RGS6: variants seen among roughly 807,000 people sequenced by gnomAD.
RGS6 encodes regulator of G-protein signaling 6.
RGS6 carries 30 observed loss-of-function variants against 78.5 expected under a neutral mutation model. The observed-to-expected ratio is 0.38, with a 90% confidence interval of 0.29 to 0.52. The LOEUF is 0.52. RGS6 is among the 20% of genes least tolerant of loss of function. The pLI is 0.85. For missense variants in RGS6, 495 were observed against 609.7 expected, an observed-to-expected ratio of 0.81 and a Z score of 1.98; for synonymous variants, 206 against 206.0, an observed-to-expected ratio of 1.00 and a Z score of 0.00.
At chr14:72,580,420 C>T in the RGS6 span, among the ~76,000 whole-genome samples, 1 of 152,028 alleles carries the variant, frequency 6.6e-6, no homozygotes, top group Admixed American at 6.5e-5. Context: ...ACCTGTAGCC[C>T]TGAGTGGGAA....
chr14:72,237,499 A>G (rs1420704160), intron 2 of RGS6, among the ~76,000 whole-genome samples: 2 of 152,182 alleles, frequency 1.3e-5, no homozygotes, highest in East Asian at 3.9e-4. Context: ...ATCTGTTCTC[A>G]GATGAGCTTC....
chr14:72,402,705 A>G (rs2092549669), intron 3 of RGS6, among the ~76,000 whole-genome samples: 1 of 152,150 alleles, frequency 6.6e-6, no homozygotes, highest in Non-Finnish European at 1.5e-5. Flanking sequence ...GTTCCTCCAA[A>G]AAACTAAAAT....
intron 2 of RGS6, among the ~76,000 whole-genome samples, chr14:72,318,173 C>T (rs2152497677): frequency 6.6e-6 from 1 of 152,232 alleles, no homozygotes; most frequent in South Asian, 2.1e-4. Flanking sequence ...GGGAAAGATC[C>T]CACCTCAGCC....
chr14:72,536,302 C>T (rs2097250654), intron 16 of RGS6, 27 bp downstream of exon 16: 1 of 1,554,666 alleles, frequency 6.4e-7, no homozygotes, highest in Non-Finnish European at 8.9e-7. Context: ...CAGGCTTGCT[C>T]TTAGCACTGT....
chr14:72,524,679 A>C (rs1025389113), intron 15 of RGS6, among the ~76,000 whole-genome samples: 4 of 152,244 alleles, frequency 2.6e-5, no homozygotes, highest in African/African-American at 9.6e-5. Flanking sequence ...CCCGTGCGGC[A>C]TAATATTCTG....
intron 2 of RGS6, among the ~76,000 whole-genome samples, chr14:72,262,007 A>C (rs1223997622): frequency 6.6e-6 from 1 of 152,170 alleles, no homozygotes; most frequent in Non-Finnish European, 1.5e-5. Context: ...TTTATATAAA[A>C]TATGAAGACA....
chr14:72,458,093 A>G (rs961136531), intron 4 of RGS6, among the ~76,000 whole-genome samples, 178 bp from the exon 5 acceptor site: 3 of 152,138 alleles, frequency 2.0e-5, no homozygotes, highest in African/African-American at 7.2e-5. Context: ...CCAGACACAT[A>G]GTTGCCCTTT....
At chr14:72,407,677 C>T (rs963850136) in intron 3 of RGS6, among the ~76,000 whole-genome samples, 3 of 152,212 alleles carry the variant, frequency 2.0e-5, no homozygotes, top group Non-Finnish European at 4.4e-5. Flanking sequence ...AGAATCTGAC[C>T]TTGTGTGAAA....
the RGS6 span, among the ~76,000 whole-genome samples, chr14:71,911,983 A>G: frequency 6.6e-6 from 1 of 152,212 alleles, no homozygotes; most frequent in African/African-American, 2.4e-5. Context: ...TGGGGTGGAG[A>G]CTTAACATCT....
At chr14:71,983,481 CAGG>C (rs1048288051) in intron 2 of RGS6, among the ~76,000 whole-genome samples, 20 of 152,170 alleles carry the variant, frequency 1.3e-4, no homozygotes, top group Non-Finnish European at 2.4e-4. Flanking sequence ...TGTCACAGTT[CAGG>C]AGGATAGAAA....
At chr14:72,208,094 C>G (rs760033524) in intron 2 of RGS6, among the ~76,000 whole-genome samples, 4 of 152,334 alleles carry the variant, frequency 2.6e-5, no homozygotes, top group African/African-American at 4.8e-5. Context: ...ATCAGTAAAT[C>G]TCATCCTTCT....
intron 1 of RGS6, among the ~76,000 whole-genome samples, chr14:71,946,801 C>G (rs980079743): frequency 2.0e-5 from 3 of 152,128 alleles, no homozygotes; most frequent in African/African-American, 7.2e-5. Context: ...TTTAATACCC[C>G]CCATACAGAG....
chr14:71,893,581 T>A, the RGS6 span, among the ~76,000 whole-genome samples: 1 of 152,202 alleles, frequency 6.6e-6, no homozygotes, highest in Non-Finnish European at 1.5e-5. Flanking sequence ...TGGCATGGGC[T>A]GAAGGTACCC....
At chr14:71,887,685 C>T in the RGS6 span, among the ~76,000 whole-genome samples, 1 of 152,186 alleles carries the variant, frequency 6.6e-6, no homozygotes, top group African/African-American at 2.4e-5. Context: ...TCTCTGCTCT[C>T]AAACCCTGTT....
the RGS6 span, among the ~76,000 whole-genome samples, chr14:72,607,383 A>G: frequency 3.9e-5 from 6 of 152,072 alleles, no homozygotes; most frequent in East Asian, 1.9e-4. Flanking sequence ...TCTCACTCCA[A>G]CTTCACATGG....
In RGS6 at chr14:72,536,446, C is replaced by G. The variant is rs8010803; in HGVS notation, c.1368+171C>G. Reference sequence around the variant, plus strand: ...GGAAAACAGTTAGGATTGTCACCACCCCAGCCCCACTGCAAGGTCCAGGAT... The same window carrying G: ...GGAAAACAGTTAGGATTGTCACCACGCCAGCCCCACTGCAAGGTCCAGGAT... On this transcript the variant is annotated intron_variant, in intron 16 of 17. Transcript: ENST00000553525. Among the ~76,000 whole-genome samples the G allele has an allele frequency of 9.0e-3, 1,376 of 152,250 alleles. 23 individuals carry two copies. Among genetic ancestry groups the G allele is most frequent in the African/African-American group, 0.031 (1,291 of 41,514 alleles).
intron 1 of RGS6, among the ~76,000 whole-genome samples, chr14:71,949,177 A>G (rs1391352438): frequency 6.6e-6 from 1 of 152,178 alleles, no homozygotes; most frequent in Non-Finnish European, 1.5e-5. Flanking sequence ...TGTTTGATAT[A>G]CACACCTAAG....
At chr14:72,442,786 G>A (rs753903312) in intron 3 of RGS6, among the ~76,000 whole-genome samples, 10 of 152,192 alleles carry the variant, frequency 6.6e-5, no homozygotes, top group African/African-American at 9.7e-5. Flanking sequence ...TACCCAAGCC[G>A]TGTGCCTCCT....
At chr14:72,326,323 A>T (rs1386031211) in intron 2 of RGS6, among the ~76,000 whole-genome samples, 1 of 152,244 alleles carries the variant, frequency 6.6e-6, no homozygotes, top group Non-Finnish European at 1.5e-5. Flanking sequence ...ATATAAATAT[A>T]TGCTTGTGTA....
Sources: gnomAD v4.1 joint callset for allele counts (sites outside exome capture counted in the v4.1 genomes callset) on GRCh38, gnomAD v4.1.1 for gene constraint, MANE v1.5 for transcripts, NCBI Gene and HGNC (gene_info 2026-07-23, HGNC 2026-07-21) for gene names.